The following CNTNAP2 variants were observed in gnomAD, a reference collection of about 807,000 sequenced individuals.
CNTNAP2 encodes contactin associated protein 2.
A neutral mutation model predicts 155.2 loss-of-function variants in CNTNAP2; 98 were observed. The ratio of observed to expected loss-of-function variants is 0.63; its 90% CI spans 0.54 to 0.75. The LOEUF is 0.75. Ranked by LOEUF, CNTNAP2 falls within the 30% of genes least tolerant of loss-of-function variation. CNTNAP2 has a pLI of 0.00. For missense variants in CNTNAP2, 1,727 were observed against 1,688.1 expected (o/e 1.02, Z -0.40); for synonymous variants, 651 against 631.2 (o/e 1.03, Z -0.47).
intron 13 of CNTNAP2, among the ~76,000 whole-genome samples, chr7:147,836,757 G>A (rs1403111745): frequency 6.6e-6 from 1 of 152,138 alleles, no homozygotes; most frequent in East Asian, 1.9e-4. Flanking sequence ...ATAAATATTT[G>A]GAAAATAAGT....
rs139470039 is a variant in CNTNAP2 at position 148,050,972 on chromosome 7, G to C, written c.2384-67146G>C. Among the ~76,000 whole-genome samples the C allele has an allele frequency of 3.5e-3, 533 of 152,288 alleles. 2 individuals carry two copies. Among genetic ancestry groups the C allele is most frequent in the African/African-American group, 0.012 (495 of 41,554 alleles). On this transcript the variant is annotated intron_variant, in intron 15 of 23. Transcript: ENST00000361727. ...CAGTTTGTGAAGTGCATTCTGTGAT[G>C]TTTGCATGACAACAAAATTGCCTAG...
chr7:148,210,830 T>A (rs1020857529), intron 18 of CNTNAP2, among the ~76,000 whole-genome samples: 1 of 152,112 alleles, frequency 6.6e-6, no homozygotes, highest in Non-Finnish European at 1.5e-5. Context: ...GAAGAAAACA[T>A]CAAACAAACA....
intron 1 of CNTNAP2, among the ~76,000 whole-genome samples, chr7:146,596,074 T>G (rs1798854152): frequency 6.6e-6 from 1 of 152,016 alleles, no homozygotes; most frequent in East Asian, 1.9e-4. Context: ...CCAATATATT[T>G]TGCTTGAGAT....
chr7:147,682,276 T>C (rs1431309766), intron 13 of CNTNAP2, among the ~76,000 whole-genome samples: 2 of 151,952 alleles, frequency 1.3e-5, no homozygotes, highest in African/African-American at 4.8e-5. Context: ...AATAAACTGC[T>C]AATTAGAATA....
chr7:146,132,549 A>C (rs10247887), intron 1 of CNTNAP2, among the ~76,000 whole-genome samples: 39,939 of 136,844 alleles, frequency 0.29, 6,861 homozygotes, highest in African/African-American at 0.47. Context: ...ATATCTCCCA[A>C]TGCTATCCCT....
chr7:147,236,440 T>G (rs1314344967), intron 8 of CNTNAP2, among the ~76,000 whole-genome samples: 2 of 151,992 alleles, frequency 1.3e-5, no homozygotes, highest in Non-Finnish European at 2.9e-5. Context: ...TTTTTAACAG[T>G]CTATCCTCCT....
intron 1 of CNTNAP2, among the ~76,000 whole-genome samples, chr7:146,493,506 C>A (rs180920910): frequency 1.2e-4 from 19 of 152,036 alleles, no homozygotes; most frequent in African/African-American, 4.1e-4. Context: ...CTAAAAAGAA[C>A]CTATGAGGAG....
intron 2 of CNTNAP2, among the ~76,000 whole-genome samples, chr7:146,806,590 AT>A (rs1802971575): frequency 6.6e-6 from 1 of 152,144 alleles, no homozygotes; most frequent in African/African-American, 2.4e-5. Context: ...TTTCACCTTA[AT>A]TTGCCTATTT....
At chr7:147,635,627 G>A (rs779804780) in intron 12 of CNTNAP2, among the ~76,000 whole-genome samples, 8 of 152,190 alleles carry the variant, frequency 5.3e-5, no homozygotes, top group Non-Finnish European at 8.8e-5. Flanking sequence ...GTTTAGGGCT[G>A]AGAAGTCACT....
intron 13 of CNTNAP2, among the ~76,000 whole-genome samples, chr7:147,690,484 T>C (rs1458148016): frequency 6.6e-6 from 1 of 152,140 alleles, no homozygotes; most frequent in Non-Finnish European, 1.5e-5. Context: ...ACCAGGCATT[T>C]ACGATGATGG....
chr7:146,245,498 C>T (rs1407129804), intron 1 of CNTNAP2, among the ~76,000 whole-genome samples: 1 of 152,170 alleles, frequency 6.6e-6, no homozygotes, highest in Non-Finnish European at 1.5e-5. Context: ...TAGGCTAAAA[C>T]AGTAAGATCC....
chr7:148,033,510 C>T (rs569077607), intron 15 of CNTNAP2, among the ~76,000 whole-genome samples: 48 of 152,176 alleles, frequency 3.2e-4, no homozygotes, highest in Middle Eastern at 3.4e-3. Flanking sequence ...GTGTGTTATT[C>T]GCCTCACTGT....
chr7:147,639,007 G>T (rs1368976665), intron 12 of CNTNAP2, 99 bp from the exon 13 acceptor site: 1 of 1,241,026 alleles, frequency 8.1e-7, no homozygotes, highest in Non-Finnish European at 1.2e-6. Context: ...CACCAGCTCA[G>T]TAAAAAGACC....
At chr7:147,302,199 C>T (rs728720) in intron 9 of CNTNAP2, among the ~76,000 whole-genome samples, 46,289 of 152,082 alleles carry the variant, frequency 0.3, 8,854 homozygotes, top group East Asian at 0.67. Context: ...GCTATGATCA[C>T]AAATAGATCA....
Position 146,846,644 on chromosome 7 carries a change from T to C in CNTNAP2, c.402+6740T>C, listed in dbSNP as rs894297465. On this transcript the variant is annotated intron_variant, in intron 3 of 23. Coordinates refer to ENST00000361727, the MANE Select transcript of CNTNAP2 (RefSeq NM_014141.6). ...TTCTCATTTTCAAAGGTCATGAGGT[T>C]TCTTGGGACAATTTCTGAGACTCAA... Among the ~76,000 whole-genome samples the C allele has an allele frequency of 2.6e-5, 4 of 152,162 alleles. No homozygotes were observed. The South Asian group carries it at 8.3e-4, about 32-fold the overall frequency.
At chr7:147,625,725 C>A (rs1794958138) in intron 12 of CNTNAP2, among the ~76,000 whole-genome samples, 2 of 152,136 alleles carry the variant, frequency 1.3e-5, no homozygotes, top group African/African-American at 4.8e-5. Flanking sequence ...CTCCAAGAAC[C>A]AACAAAGGAA....
At chr7:148,233,427 A>T (rs755475594) in intron 20 of CNTNAP2, among the ~76,000 whole-genome samples, 1 of 152,238 alleles carries the variant, frequency 6.6e-6, no homozygotes, top group Non-Finnish European at 1.5e-5. Flanking sequence ...TTATCAGGTC[A>T]CAAGGTCTTA....
chr7:148,128,454 C>T (rs1804759353), intron 16 of CNTNAP2, among the ~76,000 whole-genome samples: 1 of 152,038 alleles, frequency 6.6e-6, no homozygotes, highest in South Asian at 2.1e-4. Flanking sequence ...GAATTACAGA[C>T]CAAAAAGAAG....
chr7:147,761,650 A>G (rs851652), intron 13 of CNTNAP2, among the ~76,000 whole-genome samples: 26,926 of 152,116 alleles, frequency 0.18, 4,223 homozygotes, highest in African/African-American at 0.41. Context: ...CTTCATGGGG[A>G]ATATATAAAT....
Sources: allele counts gnomAD v4.1 joint callset (sites outside exome capture counted in the v4.1 genomes callset), GRCh38; gene constraint gnomAD v4.1.1; transcripts MANE v1.5; gene names NCBI Gene and HGNC (gene_info 2026-07-23, HGNC 2026-07-21).